Variants in CDH18 observed in about 807,000 individuals in gnomAD.
CDH18 encodes the protein cadherin-18.
A neutral mutation model predicts 67.9 loss-of-function variants in CDH18; 31 were observed. That is an observed-to-expected ratio of 0.46 (90% confidence interval 0.34 to 0.62). The LOEUF is 0.62. Ranked by LOEUF, CDH18 falls within the 20% of genes least tolerant of loss-of-function variation. The pLI, the probability that CDH18 is intolerant of heterozygous loss-of-function variation, is 0.01. For missense variants in CDH18, 890 were observed against 975.5 expected, an observed-to-expected ratio of 0.91 and a Z score of 1.17; for synonymous variants, 362 against 347.2, an observed-to-expected ratio of 1.04 and a Z score of -0.48.
At chr5:19,589,942 T>C (rs992397593) in intron 7 of CDH18, among the ~76,000 whole-genome samples, 2 of 152,116 alleles carry the variant, frequency 1.3e-5, no homozygotes, top group Non-Finnish European at 2.9e-5. Flanking sequence ...GGATTAAATA[T>C]TCTAGATTTT....
chr5:19,891,439 G>A (rs1788775362), intron 2 of CDH18, among the ~76,000 whole-genome samples: 1 of 152,092 alleles, frequency 6.6e-6, no homozygotes, highest in Non-Finnish European at 1.5e-5. Flanking sequence ...ACTTGAATTA[G>A]TGTTGCTTCA....
At chr5:20,013,483 C>T (rs761147494) in intron 2 of CDH18, among the ~76,000 whole-genome samples, 1 of 151,770 alleles carries the variant, frequency 6.6e-6, no homozygotes, top group African/African-American at 2.4e-5. Flanking sequence ...TGTCTTTGAA[C>T]TTTTTTTTGT....
intron 2 of CDH18, among the ~76,000 whole-genome samples, chr5:20,237,671 T>C (rs1508578): frequency 0.7 from 106,411 of 151,752 alleles, 37,975 homozygotes; most frequent in African/African-American, 0.85. Context: ...AACACTTAAA[T>C]AAAATGAGAG....
chr5:19,685,255 C>T (rs908229431), intron 5 of CDH18, among the ~76,000 whole-genome samples: 68 of 152,146 alleles, frequency 4.5e-4, no homozygotes, highest in South Asian at 1.0e-3. Flanking sequence ...ATGTTAAATG[C>T]TTTTAAATAT....
intron 1 of CDH18, among the ~76,000 whole-genome samples, chr5:20,423,584 A>G (rs1748030782): frequency 1.3e-5 from 2 of 151,098 alleles, no homozygotes; most frequent in African/African-American, 4.9e-5. Context: ...TGCTACACGC[A>G]AAGAGATGTG....
At chr5:19,520,910 C>G in intron 9 of CDH18, 132 bp from the exon 10 acceptor site, 1 of 879,140 alleles carries the variant, frequency 1.1e-6, no homozygotes, top group South Asian at 1.7e-5. Context: ...CAAACGACAA[C>G]TTTATGAAGG....
Position 19,955,428 on chromosome 5 carries a change from G to A in CDH18, c.-257+25632C>T, listed in dbSNP as rs191893211. On this transcript the variant is annotated intron_variant, in intron 2 of 12. Coordinates refer to ENST00000382275, the MANE Select transcript of CDH18 (RefSeq NM_004934.5). Reference sequence around the variant, plus strand: ...CAAAAACACTGGGTATTTTAACAATGGAATTCTGATAAAGCTGTGAGATGA... The same window carrying A: ...CAAAAACACTGGGTATTTTAACAATAGAATTCTGATAAAGCTGTGAGATGA... 4.9e-3 allele frequency among the ~76,000 whole-genome samples: 742 copies of A among 152,094 alleles called. 2 individuals carry two copies. The highest frequency in any genetic ancestry group is 0.041 in the Middle Eastern group (12 of 294).
intron 1 of CDH18, among the ~76,000 whole-genome samples, chr5:20,357,179 C>G (rs1271080551): frequency 6.6e-6 from 1 of 151,860 alleles, no homozygotes; most frequent in Non-Finnish European, 1.5e-5. Context: ...CATGATGTTA[C>G]TTAACATTAA....
rs567731143 is a variant in CDH18 at position 20,503,428 on chromosome 5, A to G, written c.-580+72034T>C. 5.9e-5 allele frequency among the ~76,000 whole-genome samples: 9 copies of G among 152,334 alleles called. No homozygotes were observed. The East Asian group carries it at 1.7e-3, about 29-fold the overall frequency. ...AGATCAATAAAATTAATGAAAAATC[A>G]TAGAATTAATCCCTATGAGTTATCA... On this transcript the variant is annotated intron_variant, in intron 1 of 14. Transcript: ENST00000507958.
chr5:19,941,515 C>T (rs891373200), intron 2 of CDH18, among the ~76,000 whole-genome samples: 1 of 151,972 alleles, frequency 6.6e-6, no homozygotes. Flanking sequence ...GGTGCCATGG[C>T]TCATGTCCGT....
chr5:19,486,629 T>C (rs1052112907), intron 11 of CDH18, among the ~76,000 whole-genome samples: 5 of 151,972 alleles, frequency 3.3e-5, no homozygotes, highest in African/African-American at 4.8e-5. Context: ...CCGTCTCTAC[T>C]AAAATATACA....
intron 2 of CDH18, among the ~76,000 whole-genome samples, chr5:20,230,046 G>A (rs1202902459): frequency 3.3e-5 from 5 of 152,086 alleles, no homozygotes; most frequent in African/African-American, 1.2e-4. Context: ...TAACTATTCT[G>A]TCTTTCAGGA....
chr5:19,848,167 C>A (rs1048924629), intron 2 of CDH18: 3 of 152,172 alleles, frequency 2.0e-5, no homozygotes, highest in African/African-American at 7.2e-5. Context: ...TTAATTTTCT[C>A]ATGAGCCATT....
intron 5 of CDH18, among the ~76,000 whole-genome samples, chr5:19,628,871 A>G (rs757862980): frequency 1.2e-4 from 18 of 152,256 alleles, no homozygotes; most frequent in Admixed American, 4.6e-4. Flanking sequence ...ATACTGACAC[A>G]TAAGATTGAG....
chr5:19,545,992 G>A (rs1580129294), intron 8 of CDH18, among the ~76,000 whole-genome samples: 2 of 152,092 alleles, frequency 1.3e-5, no homozygotes, highest in Admixed American at 6.5e-5. Flanking sequence ...GTATCTGTTC[G>A]GAGATGGTGA....
intron 12 of CDH18, 33 bp from the exon 13 acceptor site, chr5:19,473,749 A>C: frequency 1.3e-6 from 2 of 1,503,762 alleles, no homozygotes; most frequent in Non-Finnish European, 1.8e-6. Flanking sequence ...TGAAGAATTA[A>C]GAAAACAGGA....
chr5:20,391,660 T>C (rs528425456), intron 1 of CDH18, among the ~76,000 whole-genome samples: 2 of 152,164 alleles, frequency 1.3e-5, no homozygotes, highest in East Asian at 1.9e-4. Flanking sequence ...TTCATTGACA[T>C]TGTTTGCAGA....
chr5:20,227,780 G>A (rs1580527613), intron 2 of CDH18, among the ~76,000 whole-genome samples: 1 of 151,916 alleles, frequency 6.6e-6, no homozygotes, highest in Non-Finnish European at 1.5e-5. Context: ...GAGCCACCAT[G>A]CTCAGTCTCT....
chr5:20,330,159 G>C (rs1216945996), intron 1 of CDH18, among the ~76,000 whole-genome samples: 1 of 151,928 alleles, frequency 6.6e-6, no homozygotes, highest in South Asian at 2.1e-4. Flanking sequence ...TTTTTTAGTT[G>C]CTTATATGTA....
Sources: gnomAD v4.1 joint callset for allele counts (sites outside exome capture counted in the v4.1 genomes callset) on GRCh38, gnomAD v4.1.1 for gene constraint, MANE v1.5 for transcripts, NCBI Gene and HGNC (gene_info 2026-07-23, HGNC 2026-07-21) for gene names.